Variants in GCH1 observed in about 807,000 individuals in gnomAD.
GCH1 encodes the protein GTP cyclohydrolase I.
In GCH1, 5 loss-of-function variants were observed where a neutral mutation model predicts 25.9. That is an observed-to-expected ratio of 0.19 (90% CI 0.10 to 0.41). The LOEUF (loss-of-function observed/expected upper bound fraction) is 0.41. Among genes scored for constraint, GCH1 ranks in the 10% least tolerant of loss-of-function variants. GCH1 has a pLI of 1.00. For missense variants in GCH1, 261 were observed against 336.5 expected (o/e 0.78, Z 1.75); for synonymous variants, 159 against 129.6 (o/e 1.23, Z -1.54).
At chr14:54,865,715 A>C (rs2039981015) in intron 1 of GCH1, among the ~76,000 whole-genome samples, 1 of 152,174 alleles carries the variant, frequency 6.6e-6, no homozygotes. Flanking sequence ...GGAAAGGAAA[A>C]ATTATACCAA....
chr14:54,867,452 G>A (rs953231194), intron 1 of GCH1, among the ~76,000 whole-genome samples: 1 of 151,956 alleles, frequency 6.6e-6, no homozygotes, highest in Non-Finnish European at 1.5e-5. Flanking sequence ...GCCAGGCGTG[G>A]TGGTGCATGC....
chr14:54,898,441 G>A (rs940771985), intron 1 of GCH1, among the ~76,000 whole-genome samples: 10 of 151,986 alleles, frequency 6.6e-5, no homozygotes, highest in Admixed American at 2.0e-4. Flanking sequence ...TATAAACACT[G>A]TACACTTGGG....
chr14:54,890,702 C>G (rs1595018687), intron 1 of GCH1, among the ~76,000 whole-genome samples: 1 of 152,166 alleles, frequency 6.6e-6, no homozygotes, highest in Admixed American at 6.5e-5. Flanking sequence ...AATTTTAACT[C>G]TGGTACAGGT....
Position 54,843,602 on chromosome 14 carries a change from C to G in GCH1, c.*415G>C, listed in dbSNP as rs1045052116. On this transcript the variant is annotated 3_prime_UTR_variant, in exon 6 of 6. Transcript: ENST00000491895. The stretch of plus-strand genomic sequence containing the variant: ...GCACTAAATATTTTAGCACTTTCGG[C>G]ACTACACCACTTTTATTGGAGGAAG... 7.0e-5 allele frequency: 102 copies of G among 1,447,734 alleles called. No individual in the cohort carries two copies. Among genetic ancestry groups the G allele is most frequent in the Non-Finnish European group, 8.8e-5 (97 of 1,101,882 alleles). 89.7% of individuals were successfully genotyped at this position (1,447,734 alleles called of 1,614,324 possible).
intron 1 of GCH1, among the ~76,000 whole-genome samples, chr14:54,900,669 CCTCT>C (rs1267726829): frequency 6.6e-6 from 1 of 152,104 alleles, no homozygotes; most frequent in Admixed American, 6.6e-5. Context: ...GTCAGAAATT[CCTCT>C]CTCTTTGGGT....
Position 54,902,624 on chromosome 14 carries a change from G to C in GCH1, c.40C>G (p.Arg14Gly). The change falls in exon 1 of 6, where the codon CGG becomes GGG. Residue 14 changes from arginine to glycine, a missense_variant. By Grantham distance (125) the Arg-to-Gly change is moderately radical. Coordinates refer to ENST00000491895, the MANE Select transcript of GCH1 (RefSeq NM_000161.3). Reference protein sequence around the residue: ...GPVRAPAEKPRGARCSNGFPE... With the variant: ...GPVRAPAEKPGGARCSNGFPE... Reference sequence around the variant, plus strand: ...AACCCATTGCTGCACCTGGCGCCCCGCGGCTTCTCCGCCGGTGCCCGCACA... The same window carrying C: ...AACCCATTGCTGCACCTGGCGCCCCCCGGCTTCTCCGCCGGTGCCCGCACA... The C allele has an allele frequency of 6.7e-7, 1 of 1,487,064 alleles. No individual in the cohort carries two copies. The highest frequency in any genetic ancestry group is 1.5e-5 in the African/African-American group (1 of 68,412). 92.1% of individuals were successfully genotyped at this position (1,487,064 alleles called of 1,614,324 possible).
chr14:54,843,966 A>C lies in GCH1; in HGVS notation c.*51T>G. ...TACAAACAAGACCGGACAGACAGAC[A>C]ATGCTACTGGCAGTACGATCGGCAA... On this transcript the variant is annotated 3_prime_UTR_variant, in exon 6 of 6. Coordinates refer to ENST00000491895, the MANE Select transcript of GCH1 (RefSeq NM_000161.3). The C allele has an allele frequency of 1.2e-6, 2 of 1,614,102 alleles. No homozygotes were observed. Among genetic ancestry groups the C allele is most frequent in the South Asian group, 2.2e-5 (2 of 91,082 alleles).
At chr14:54,890,818 A>G (rs1463307805) in intron 1 of GCH1, among the ~76,000 whole-genome samples, 2 of 152,188 alleles carry the variant, frequency 1.3e-5, no homozygotes, top group African/African-American at 4.8e-5. Context: ...AAAAAACTCA[A>G]AATGAATTTC....
At chr14:54,849,190 G>A (rs10131232) in intron 3 of GCH1, among the ~76,000 whole-genome samples, 66,834 of 152,066 alleles carry the variant, frequency 0.44, 16,551 homozygotes, top group African/African-American at 0.68. Flanking sequence ...CTGAGTGCCT[G>A]CTATGTATGT....
At chr14:54,848,759 A>G (rs1474761813) in intron 3 of GCH1, among the ~76,000 whole-genome samples, 1 of 152,190 alleles carries the variant, frequency 6.6e-6, no homozygotes, top group East Asian at 1.9e-4. Context: ...CCTTTATCCC[A>G]GCAGTAGTTA....
intron 1 of GCH1, among the ~76,000 whole-genome samples, chr14:54,890,646 C>T (rs138056119): frequency 6.6e-6 from 1 of 152,144 alleles, no homozygotes; most frequent in Non-Finnish European, 1.5e-5. Context: ...TAATATTGAT[C>T]TTTTAAAAGT....
chr14:54,860,876 C>T (rs1343735714), intron 2 of GCH1, among the ~76,000 whole-genome samples: 2 of 152,182 alleles, frequency 1.3e-5, no homozygotes, highest in East Asian at 3.8e-4. Flanking sequence ...ACTGCTACCA[C>T]CATGGCTTGG....
At chr14:54,901,877 C>T (rs1484187787) in intron 1 of GCH1, among the ~76,000 whole-genome samples, 1 of 152,138 alleles carries the variant, frequency 6.6e-6, no homozygotes, top group Non-Finnish European at 1.5e-5. Flanking sequence ...CAGATACACA[C>T]CCTGACAATG....
At chr14:54,845,250 C>T (rs777856048) in intron 5 of GCH1, among the ~76,000 whole-genome samples, 15 of 151,260 alleles carry the variant, frequency 9.9e-5, no homozygotes, top group East Asian at 2.0e-4. Flanking sequence ...GAGGCCGTGA[C>T]GGGTGGATCA....
chr14:54,845,254 T>C (rs2039623666), intron 5 of GCH1, among the ~76,000 whole-genome samples: 1 of 151,338 alleles, frequency 6.6e-6, no homozygotes, highest in Non-Finnish European at 1.5e-5. Context: ...CCGTGACGGG[T>C]GGATCATGAG....
intron 3 of GCH1, among the ~76,000 whole-genome samples, chr14:54,856,249 G>A (rs764991993): frequency 1.3e-5 from 2 of 152,086 alleles, no homozygotes; most frequent in South Asian, 2.1e-4. Context: ...AGCCATCATG[G>A]CTCCTCTGAA....
At chr14:54,845,900 T>C (rs1373464258) in intron 4 of GCH1, 48 bp from the exon 5 acceptor site, 1 of 1,000,262 alleles carries the variant, frequency 1.0e-6, no homozygotes, top group African/African-American at 1.6e-5. Flanking sequence ...CACAAACAGC[T>C]GGAAGCTTTT....
At chr14:54,874,337 A>C (rs1446388699) in intron 1 of GCH1, among the ~76,000 whole-genome samples, 1 of 152,200 alleles carries the variant, frequency 6.6e-6, no homozygotes, top group Non-Finnish European at 1.5e-5. Flanking sequence ...TTGATGGGAC[A>C]TATCTCAAAA....
intron 1 of GCH1, among the ~76,000 whole-genome samples, chr14:54,899,287 C>T (rs2040529142): frequency 6.6e-6 from 1 of 151,992 alleles, no homozygotes; most frequent in Non-Finnish European, 1.5e-5. Context: ...ATGGCAAAAA[C>T]CCGTCTCTAT....
Sources: allele counts gnomAD v4.1 joint callset (sites outside exome capture counted in the v4.1 genomes callset), GRCh38; gene constraint gnomAD v4.1.1; transcripts MANE v1.5; gene names NCBI Gene and HGNC (gene_info 2026-07-23, HGNC 2026-07-21).